Variants in COL5A2 observed in about 807,000 individuals in gnomAD.
The protein encoded by COL5A2 is collagen alpha-2(V) chain.
In COL5A2, 23 loss-of-function variants were observed where a neutral mutation model predicts 208.2. The ratio of observed to expected loss-of-function variants is 0.11; its 90% CI spans 0.08 to 0.16. COL5A2 has a LOEUF of 0.16. COL5A2 is among the 10% of genes least tolerant of loss of function. The pLI is 1.00. For synonymous variants in COL5A2, 625 were observed against 628.5 expected (o/e 0.99, Z 0.08); for missense variants, 1,590 against 1,956.4 (o/e 0.81, Z 3.53).
intron 29 of COL5A2, 39 bp downstream of exon 29, chr2:189,062,826 A>T: frequency 6.2e-7 from 1 of 1,610,864 alleles, no homozygotes; most frequent in Non-Finnish European, 8.5e-7. Flanking sequence ...ATGTGTGTAT[A>T]TATATATTCT....
chr2:189,065,576 C>T lies in COL5A2; in HGVS notation c.1564-519G>A, dbSNP rs558453733. Reference sequence around the variant, plus strand: ...GGAAGGAAGCAAGGAAATATTCTAACGATTCATAGTAAAATTAAACAGAGA... The same window carrying T: ...GGAAGGAAGCAAGGAAATATTCTAATGATTCATAGTAAAATTAAACAGAGA... On this transcript the variant is annotated intron_variant, in intron 23 of 53. Coordinates refer to ENST00000374866, the MANE Select transcript of COL5A2 (RefSeq NM_000393.5). 9.9e-5 allele frequency among the ~76,000 whole-genome samples: 15 copies of T among 151,948 alleles called. No individual in the cohort carries two copies. The East Asian group carries it at 2.1e-3, about 22-fold the overall frequency.
the COL5A2 span, among the ~76,000 whole-genome samples, chr2:189,400,659 G>GA: frequency 2.0e-5 from 3 of 152,042 alleles, no homozygotes; most frequent in South Asian, 6.2e-4. Context: ...TGCATTTCTA[G>GA]AAACTTTGGT....
chr2:189,357,983 C>T, the COL5A2 span, among the ~76,000 whole-genome samples: 17 of 152,112 alleles, frequency 1.1e-4, no homozygotes, highest in South Asian at 2.7e-3. Context: ...GGAGGGAAAG[C>T]CCATGACCCC....
At chr2:189,127,042 G>A (rs1174119671) in intron 1 of COL5A2, among the ~76,000 whole-genome samples, 1 of 152,098 alleles carries the variant, frequency 6.6e-6, no homozygotes, top group Non-Finnish European at 1.5e-5. Flanking sequence ...GAGTGCTTAG[G>A]GAGTGTGTAC....
chr2:189,162,380 T>G (rs1222418732), intron 1 of COL5A2, among the ~76,000 whole-genome samples: 3 of 152,190 alleles, frequency 2.0e-5, no homozygotes. Flanking sequence ...GAAAAGCAAG[T>G]TGAAATCTCC....
At chr2:189,052,274 T>C (rs753470564) in intron 40 of COL5A2, 49 bp from the exon 41 acceptor site, 4 of 1,555,014 alleles carry the variant, frequency 2.6e-6, no homozygotes, top group Non-Finnish European at 3.5e-6. Flanking sequence ...TATAAATTAG[T>C]TACATGTATT....
At chr2:189,089,370 G>C (rs955988948) in intron 7 of COL5A2, among the ~76,000 whole-genome samples, 5 of 152,242 alleles carry the variant, frequency 3.3e-5, no homozygotes, top group South Asian at 4.1e-4. Flanking sequence ...TAATCAAACT[G>C]ACCAAAATTG....
chr2:189,066,266 T>C, intron 23 of COL5A2, 124 bp downstream of exon 23: 5 of 903,054 alleles, frequency 5.5e-6, no homozygotes, highest in Middle Eastern at 3.0e-4. Context: ...CACATAACTG[T>C]ACTGAACTGT....
chr2:189,062,978 T>A, intron 28 of COL5A2, 32 bp downstream of exon 28: 1 of 1,613,842 alleles, frequency 6.2e-7, no homozygotes, highest in Non-Finnish European at 8.5e-7. Flanking sequence ...AGTACCTACA[T>A]TATTTTTCTT....
the COL5A2 span, among the ~76,000 whole-genome samples, chr2:189,365,912 A>C: frequency 6.6e-6 from 1 of 152,196 alleles, no homozygotes; most frequent in Admixed American, 6.5e-5. Flanking sequence ...CCCCACACAT[A>C]TCTGAAAAGT....
chr2:189,178,726 A>AC (rs1288790069), intron 1 of COL5A2, among the ~76,000 whole-genome samples: 1 of 151,468 alleles, frequency 6.6e-6, no homozygotes, highest in Non-Finnish European at 1.5e-5. Context: ...AAAAAAAAAA[A>AC]AAAGCTTGGG....
chr2:189,429,268 A>T, the COL5A2 span, among the ~76,000 whole-genome samples: 9 of 152,098 alleles, frequency 5.9e-5, no homozygotes, highest in Non-Finnish European at 8.8e-5. Context: ...TGTTAAATTT[A>T]AAAAAAAGAA....
the COL5A2 span, among the ~76,000 whole-genome samples, chr2:189,369,643 C>T: frequency 2.0e-5 from 3 of 152,002 alleles, no homozygotes; most frequent in South Asian, 6.2e-4. Context: ...GACATTTGTA[C>T]TGATAAAATT....
chr2:189,273,492 A>G, the COL5A2 span, among the ~76,000 whole-genome samples: 4,937 of 152,240 alleles, frequency 0.032, 85 homozygotes, highest in Admixed American at 0.047. Flanking sequence ...TAGTCTCACT[A>G]CTGAATATAC....
the COL5A2 span, among the ~76,000 whole-genome samples, chr2:189,312,304 T>C: frequency 1.3e-5 from 2 of 152,094 alleles, no homozygotes; most frequent in African/African-American, 4.8e-5. Flanking sequence ...TCCTTCTCGT[T>C]CTGGATGTCT....
the COL5A2 span, among the ~76,000 whole-genome samples, chr2:189,317,248 C>T: frequency 6.6e-6 from 1 of 151,982 alleles, no homozygotes; most frequent in Non-Finnish European, 1.5e-5. Flanking sequence ...AATTTTCTTA[C>T]CTAGAATTTT....
intron 1 of COL5A2, among the ~76,000 whole-genome samples, chr2:189,149,904 G>A (rs1688112376): frequency 6.6e-6 from 1 of 152,086 alleles, no homozygotes; most frequent in African/African-American, 2.4e-5. Context: ...CTTTTATTTA[G>A]TGTTCTTTGT....
At chr2:189,381,503 C>T in the COL5A2 span, among the ~76,000 whole-genome samples, 6 of 151,724 alleles carry the variant, frequency 4.0e-5, no homozygotes, top group Non-Finnish European at 7.4e-5. Context: ...GGTGATTGGG[C>T]ATGGAAGGAA....
chr2:189,204,141 C>T (rs892425647), intron 1 of COL5A2, among the ~76,000 whole-genome samples: 2 of 152,200 alleles, frequency 1.3e-5, no homozygotes, highest in Non-Finnish European at 2.9e-5. Flanking sequence ...TTGTGATCCG[C>T]CCGCCTCGGC....
Sources: allele counts gnomAD v4.1 joint callset (sites outside exome capture counted in the v4.1 genomes callset), GRCh38; gene constraint gnomAD v4.1.1; transcripts MANE v1.5; gene names NCBI Gene and HGNC (gene_info 2026-07-23, HGNC 2026-07-21).